PROSER2: variants seen among roughly 807,000 people sequenced by gnomAD.
The protein encoded by PROSER2 is proline and serine-rich protein 2.
A neutral mutation model predicts 14.6 loss-of-function variants in PROSER2; 18 were observed. That is an observed-to-expected ratio of 1.23 (90% confidence interval 0.85 to 1.83). The LOEUF (loss-of-function observed/expected upper bound fraction) is 1.83. Among genes scored for constraint, PROSER2 ranks in the 40% most tolerant of loss-of-function variants. The pLI is 0.00. For missense variants in PROSER2, 823 were observed against 629.8 expected, an observed-to-expected ratio of 1.31 and a Z score of -3.28; for synonymous variants, 367 against 286.4, an observed-to-expected ratio of 1.28 and a Z score of -2.84.
At position 11,842,931 on chromosome 10, in the gene PROSER2, C is replaced by CTTTTTTTTTTTTTTTTTTTT. The variant is rs558283551; in HGVS notation, c.-81-9058_-81-9039dup. Reference sequence around the variant, plus strand: ...TTTTCTATACTATTTTGCCATTGTTCTTTTTTTTTTTTTTTTTTTTTTTTT... The same window carrying CTTTTTTTTTTTTTTTTTTTT: ...TTTTCTATACTATTTTGCCATTGTTCTTTTTTTTTTTTTTTTTTTTTTTTTTTTTTTTTTTTTTTTTTTTT... On this transcript the variant is annotated intron_variant, in intron 1 of 3. Coordinates refer to ENST00000277570, the MANE Select transcript of PROSER2 (RefSeq NM_153256.4). Among the ~76,000 whole-genome samples the CTTTTTTTTTTTTTTTTTTTT allele has an allele frequency of 8.3e-4, 43 of 51,958 alleles. 8 individuals carry two copies. The highest frequency in any genetic ancestry group is 1.3e-3 in the Non-Finnish European group (36 of 27,016). 34.1% of individuals were successfully genotyped at this position (51,958 alleles called of 152,430 possible). A position where few individuals can be genotyped will look rare whatever the true frequency, so the allele number is the denominator to read the frequency against.
intron 2 of PROSER2, among the ~76,000 whole-genome samples, chr10:11,864,749 C>T (rs10752246): frequency 0.95 from 144,897 of 152,168 alleles, 69,355 homozygotes; most frequent in East Asian, 1. Context: ...CCACCATGCC[C>T]GGCTAATTTT....
intron 1 of PROSER2, among the ~76,000 whole-genome samples, chr10:11,849,421 T>C (rs1389568691): frequency 6.6e-6 from 1 of 152,200 alleles, no homozygotes; most frequent in Non-Finnish European, 1.5e-5. Flanking sequence ...CCAGAGAGCT[T>C]CTGATCCATT....
At chr10:11,867,965 A>G (rs892229029) in intron 3 of PROSER2, among the ~76,000 whole-genome samples, 22 of 152,246 alleles carry the variant, frequency 1.4e-4, no homozygotes, top group Non-Finnish European at 1.5e-4. Context: ...TTGAGCCACT[A>G]GAAATAAAGT....
In PROSER2 at chr10:11,865,283, TTTTA is replaced by T. The variant is rs1834322731; in HGVS notation, c.139-1240_139-1237del. On this transcript the variant is annotated intron_variant, in intron 2 of 3. Coordinates refer to ENST00000277570, the MANE Select transcript of PROSER2 (RefSeq NM_153256.4). This position sits in a 1 kb window ranked among gnomAD's most constrained non-coding sequence, Gnocchi z 4.2. ...TTCATTTTTTTGTGCTGTTAGTATTTTTTATTTATTTCTAAGTCTTCTTTTGTCC... is the reference window on the plus strand; with the variant it reads ...TTCATTTTTTTGTGCTGTTAGTATTTTTTATTTCTAAGTCTTCTTTTGTCC... Among the ~76,000 whole-genome samples, 1 of 152,316 alleles carries T rather than the reference TTTTA, an allele frequency of 6.6e-6. No individual in the cohort carries two copies. Among genetic ancestry groups the T allele is most frequent in the Admixed American group, 6.5e-5 (1 of 15,308 alleles).
intron 1 of PROSER2, among the ~76,000 whole-genome samples, chr10:11,842,550 T>C (rs948945411): frequency 2.0e-5 from 3 of 152,178 alleles, no homozygotes; most frequent in Non-Finnish European, 4.4e-5. Context: ...ATGTGTGTGC[T>C]GTCACTGTGG....
intron 1 of PROSER2, among the ~76,000 whole-genome samples, chr10:11,846,892 C>A (rs781257690): frequency 2.6e-5 from 4 of 152,096 alleles, no homozygotes; most frequent in Non-Finnish European, 5.9e-5. Flanking sequence ...GCACGCACCA[C>A]CACGCCTGGC....
chr10:11,864,588 TTTTC>T (rs1308695243), intron 2 of PROSER2, among the ~76,000 whole-genome samples: 56 of 141,908 alleles, frequency 3.9e-4, no homozygotes, highest in African/African-American at 1.3e-3. Context: ...TGAATTTTTT[TTTTC>T]TTTTTTTTTT....
intron 1 of PROSER2, among the ~76,000 whole-genome samples, chr10:11,827,682 CTTT>C (rs10625176): frequency 7.0e-6 from 1 of 143,376 alleles, no homozygotes; most frequent in African/African-American, 2.6e-5. Flanking sequence ...CATGGAAGTC[CTTT>C]TTTTTTTTTT....
At position 11,866,621 on chromosome 10, in the gene PROSER2, G is replaced by C; in HGVS notation, c.229G>C (p.Glu77Gln). Residue 77 changes from glutamate to glutamine, a missense_variant, in exon 3 of 4, where the codon GAG (glutamate) becomes CAG (glutamine). Transcript: ENST00000277570. The surrounding 1 kb of genome is among the most constrained non-coding windows in gnomAD (Gnocchi z 6.0). ...GATTGACTCCCTAGACGAGGACTTT[G>C]AGGAGCCAGTGCTGTGCGATGGAGG... ...ETIDSLDEDF[E>Q]EPVLCDGGVC... 6.2e-7 allele frequency: 1 copy of C among 1,614,248 alleles called. No individual in the cohort carries two copies. The highest frequency in any genetic ancestry group is 8.5e-7 in the Non-Finnish European group (1 of 1,180,046).
intron 2 of PROSER2, chr10:11,863,182 C>G (rs1438071488): frequency 6.6e-6 from 1 of 152,118 alleles, no homozygotes; most frequent in East Asian, 1.9e-4. Context: ...TGCATGTGTT[C>G]TTGTGTTTTC....
chr10:11,846,410 T>A (rs1588489544), intron 1 of PROSER2, among the ~76,000 whole-genome samples: 1 of 152,240 alleles, frequency 6.6e-6, no homozygotes, highest in East Asian at 1.9e-4. Flanking sequence ...TCATTGGTTT[T>A]CACATCTCTC....
At chr10:11,833,699 A>T (rs1414156650) in intron 1 of PROSER2, among the ~76,000 whole-genome samples, 2 of 152,144 alleles carry the variant, frequency 1.3e-5, no homozygotes, top group East Asian at 3.8e-4. Context: ...CTCAAAACAC[A>T]AAAAAAGAGC....
At chr10:11,847,462 G>C (rs1267131003) in intron 1 of PROSER2, among the ~76,000 whole-genome samples, 1 of 152,198 alleles carries the variant, frequency 6.6e-6, no homozygotes, top group Non-Finnish European at 1.5e-5. Flanking sequence ...CTGTCACCCA[G>C]GCTGGAGTGC....
In PROSER2 at chr10:11,837,332, C is replaced by T. The variant is rs563589891; in HGVS notation, c.-82+13862C>T. ...ATTAGTTTTGCTGTCACACTTCATACGTTCAAGTTATGACCACTGTGTGAC... is the reference window on the plus strand; with the variant it reads ...ATTAGTTTTGCTGTCACACTTCATATGTTCAAGTTATGACCACTGTGTGAC... On this transcript the variant is annotated intron_variant, in intron 1 of 3. Coordinates refer to ENST00000277570, the MANE Select transcript of PROSER2 (RefSeq NM_153256.4). This position sits in a 1 kb window ranked among gnomAD's most constrained non-coding sequence, Gnocchi z 4.6. 1.2e-3 allele frequency among the ~76,000 whole-genome samples: 190 copies of T among 152,302 alleles called. No individual in the cohort carries two copies. Among genetic ancestry groups the T allele is most frequent in the Non-Finnish European group, 1.7e-3 (115 of 68,028 alleles).
At chr10:11,826,896 T>C (rs78264181) in intron 1 of PROSER2, among the ~76,000 whole-genome samples, 17 of 136,982 alleles carry the variant, frequency 1.2e-4, no homozygotes, top group African/African-American at 4.2e-4. Context: ...TTTTTTTTTT[T>C]TCCTCTGACA....
intron 2 of PROSER2, among the ~76,000 whole-genome samples, chr10:11,863,466 G>T (rs1049345330): frequency 6.6e-6 from 1 of 151,970 alleles, no homozygotes; most frequent in African/African-American, 2.4e-5. Context: ...TGAGCCCTGG[G>T]GGCAGAGGTT....
intron 2 of PROSER2, among the ~76,000 whole-genome samples, chr10:11,854,900 G>GGTCTTTTTTTTTTTAA (rs1834094332): frequency 1.3e-5 from 2 of 151,750 alleles, no homozygotes. Flanking sequence ...TAACTCATCA[G>GGTCTTTTTTTTTTTAA]GTCTTTTTTT....
chr10:11,868,033 T>C (rs1297774192), intron 3 of PROSER2, among the ~76,000 whole-genome samples: 3 of 152,246 alleles, frequency 2.0e-5, no homozygotes, highest in Admixed American at 2.0e-4. Context: ...TACTCAGAAC[T>C]TCACATACTA....
chr10:11,863,074 C>T (rs554520079), intron 2 of PROSER2: 1 of 152,214 alleles, frequency 6.6e-6, no homozygotes, highest in African/African-American at 2.4e-5. Context: ...TAGCAATGTT[C>T]TGCCTGCCTA....
Sources: allele counts gnomAD v4.1 joint callset (sites outside exome capture counted in the v4.1 genomes callset), GRCh38; gene constraint gnomAD v4.1.1; non-coding constraint Gnocchi (gnomAD v3.1); transcripts MANE v1.5; gene names NCBI Gene and HGNC (gene_info 2026-07-23, HGNC 2026-07-21).